ZNF469: variants seen among roughly 807,000 people sequenced by gnomAD.
ZNF469 encodes the protein zinc finger protein 469.
A neutral mutation model predicts 1.0 loss-of-function variants in ZNF469; 1 was observed. The observed-to-expected ratio is 1.00, with a 90% CI of 0.35 to 4.73. The LOEUF (loss-of-function observed/expected upper bound fraction) is 4.73. Among genes scored for constraint, ZNF469 ranks in the 30% most tolerant of loss-of-function variants. The pLI, the probability that ZNF469 is intolerant of heterozygous loss-of-function variation, is 0.16. For synonymous variants in ZNF469, 2,703 were observed against 2,363.4 expected (o/e 1.14, Z -4.17); for missense variants, 6,100 against 5,356.3 (o/e 1.14, Z -4.33).
chr16:88,256,589 G>A, the ZNF469 span, among the ~76,000 whole-genome samples: 4 of 152,154 alleles, frequency 2.6e-5, no homozygotes, highest in South Asian at 6.2e-4. Context: ...ATTACTGGGT[G>A]GTATGGTAAG....
intron 1 of ZNF469, among the ~76,000 whole-genome samples, chr16:88,414,232 C>T (rs917654333): frequency 4.6e-5 from 7 of 152,224 alleles, no homozygotes; most frequent in African/African-American, 1.7e-4. Flanking sequence ...CTGCTCCCTG[C>T]AGGCCACGGG....
At chr16:88,108,600 A>G in the ZNF469 span, among the ~76,000 whole-genome samples, 1 of 152,308 alleles carries the variant, frequency 6.6e-6, no homozygotes, top group Non-Finnish European at 1.5e-5. Context: ...GTTTCCCCAG[A>G]GAACTCTCGG....
the ZNF469 span, among the ~76,000 whole-genome samples, chr16:88,317,124 A>G: frequency 1.3e-5 from 2 of 152,178 alleles, no homozygotes; most frequent in Admixed American, 6.5e-5. Context: ...CCCCCACCCC[A>G]GTTTGATGGA....
the ZNF469 span, among the ~76,000 whole-genome samples, chr16:88,315,751 C>A: frequency 6.6e-6 from 1 of 152,222 alleles, no homozygotes; most frequent in East Asian, 1.9e-4. Context: ...CAGCCCTCGA[C>A]CTCCTGGCCT....
At chr16:88,331,264 C>A in the ZNF469 span, among the ~76,000 whole-genome samples, 2 of 149,090 alleles carry the variant, frequency 1.3e-5, no homozygotes, top group Non-Finnish European at 3.0e-5. Context: ...ATCACCATCA[C>A]CTTCATAGTC....
rs958618412 is a variant in ZNF469 at position 88,438,686 on chromosome 16, G to A, written c.11216G>A (p.Arg3739His). The A allele has an allele frequency of 4.0e-5, 62 of 1,549,856 alleles. No homozygotes were observed. Among genetic ancestry groups the A allele is most frequent in the East Asian group, 2.9e-4 (12 of 40,902 alleles). The change falls in exon 3 of 3, where the codon CGC (arginine) becomes CAC (histidine). Residue 3739 changes from arginine to histidine, a missense_variant. Transcript: ENST00000565624. ...AGCTCCCAGGGCAGTGGAAGCCCTC[G>A]CCCCGGCACCAAGACAGGAGGTGGC... ...GPSSQGSGSP[R>H]PGTKTGGGSQ...
At chr16:88,234,313 A>G in the ZNF469 span, among the ~76,000 whole-genome samples, 1 of 152,236 alleles carries the variant, frequency 6.6e-6, no homozygotes, top group Non-Finnish European at 1.5e-5. Flanking sequence ...TTCCTATATT[A>G]TAGATGGGAT....
the ZNF469 span, among the ~76,000 whole-genome samples, chr16:88,168,307 C>A: frequency 6.6e-6 from 1 of 152,178 alleles, no homozygotes; most frequent in East Asian, 1.9e-4. The surrounding 1 kb of genome is among the most constrained non-coding windows in gnomAD (Gnocchi z 4.3). Context: ...CAGAGCCAGG[C>A]TGTTGGGAAA....
chr16:88,227,906 C>T, the ZNF469 span, among the ~76,000 whole-genome samples: 2 of 152,102 alleles, frequency 1.3e-5, no homozygotes, highest in Non-Finnish European at 2.9e-5. Flanking sequence ...TATTATGGGA[C>T]CTTGGCTCAC....
the ZNF469 span, among the ~76,000 whole-genome samples, chr16:88,151,186 C>T: frequency 6.6e-6 from 1 of 152,192 alleles, no homozygotes; most frequent in African/African-American, 2.4e-5. This position sits in a 1 kb window ranked among gnomAD's most constrained non-coding sequence, Gnocchi z 5.4. Context: ...AAACAGGAAC[C>T]CTCAGGGGCC....
At chr16:88,313,183 T>C in the ZNF469 span, among the ~76,000 whole-genome samples, 1 of 152,214 alleles carries the variant, frequency 6.6e-6, no homozygotes, top group African/African-American at 2.4e-5. Context: ...TTTTCTGAGA[T>C]ATCTTTTTGT....
chr16:88,278,945 G>A, the ZNF469 span, among the ~76,000 whole-genome samples: 1 of 61,616 alleles, frequency 1.6e-5, no homozygotes, highest in Admixed American at 1.9e-4. Flanking sequence ...TCGGTCAGTA[G>A]CGTGTAGATA....
At chr16:88,356,229 G>A in the ZNF469 span, among the ~76,000 whole-genome samples, 9 of 152,158 alleles carry the variant, frequency 5.9e-5, no homozygotes, top group African/African-American at 1.7e-4. Flanking sequence ...TGTGGGAGCC[G>A]TGGGTCTAAG....
At chr16:88,133,355 T>TG in the ZNF469 span, among the ~76,000 whole-genome samples, 4,302 of 150,734 alleles carry the variant, frequency 0.029, no homozygotes, top group African/African-American at 0.098. Flanking sequence ...CACAGAGGAT[T>TG]CATCTTTGCT....
At chr16:88,221,428 C>A in the ZNF469 span, among the ~76,000 whole-genome samples, 1 of 152,216 alleles carries the variant, frequency 6.6e-6, no homozygotes, top group Non-Finnish European at 1.5e-5. Context: ...TCTTCACATG[C>A]AGGCAGCTCC....
At chr16:88,102,396 T>G in the ZNF469 span, among the ~76,000 whole-genome samples, 1 of 152,204 alleles carries the variant, frequency 6.6e-6, no homozygotes, top group Non-Finnish European at 1.5e-5. Context: ...GGCAGGCACC[T>G]GTAATCCCAG....
the ZNF469 span, among the ~76,000 whole-genome samples, chr16:88,346,279 G>A: frequency 6.6e-6 from 1 of 152,192 alleles, no homozygotes; most frequent in African/African-American, 2.4e-5. Context: ...CGTTCATCTC[G>A]GGAGAACCTC....
chr16:88,396,471 TCC>T (rs1904664156), intron 1 of ZNF469, among the ~76,000 whole-genome samples: 1 of 143,572 alleles, frequency 7.0e-6, no homozygotes, highest in African/African-American at 2.6e-5. Flanking sequence ...GCGGAGACCC[TCC>T]TGAAGGGAGG....
the ZNF469 span, among the ~76,000 whole-genome samples, chr16:88,317,539 G>C: frequency 3.7e-4 from 57 of 152,288 alleles, no homozygotes; most frequent in African/African-American, 1.3e-3. Context: ...GTCTCTCCTG[G>C]CATTCTCCCG....
Sources: allele counts gnomAD v4.1 joint callset (sites outside exome capture counted in the v4.1 genomes callset), GRCh38; gene constraint gnomAD v4.1.1; non-coding constraint Gnocchi (gnomAD v3.1); transcripts MANE v1.5; gene names NCBI Gene and HGNC (gene_info 2026-07-23, HGNC 2026-07-21).